CSMD1: variants seen among roughly 807,000 people sequenced by gnomAD.
The protein encoded by CSMD1 is CUB and sushi domain-containing protein 1.
CSMD1 carries 213 observed loss-of-function variants against 417.5 expected under a neutral mutation model. The observed-to-expected ratio is 0.51, with a 90% CI of 0.46 to 0.57. The LOEUF is 0.57. Among genes scored for constraint, CSMD1 ranks in the 20% least tolerant of loss-of-function variants. The pLI is 0.00. For synonymous variants in CSMD1, 2,862 were observed against 1,736.8 expected (o/e 1.65, Z -16.11); for missense variants, 6,923 against 4,529.7 (o/e 1.53, Z -15.17).
chr8:4,374,450 C>G (rs1362651653), intron 3 of CSMD1, among the ~76,000 whole-genome samples: 1 of 152,068 alleles, frequency 6.6e-6, no homozygotes, highest in Non-Finnish European at 1.5e-5. Context: ...GGAACTTTAT[C>G]TGTCCTACGG....
Position 4,417,902 on chromosome 8 carries a change from G to A in CSMD1, c.415+2051C>T, listed in dbSNP as rs562104451. ...AAAGTAATAGTTGTCTAAAGTTTAT[G>A]TGTAAAGTATTTGGTACTTGCAATA... On this transcript the variant is annotated intron_variant, in intron 3 of 69. Coordinates refer to ENST00000635120, the MANE Select transcript of CSMD1 (RefSeq NM_033225.6). Among the ~76,000 whole-genome samples, 8 of 152,062 alleles carry A rather than the reference G, an allele frequency of 5.3e-5. No homozygotes were observed. The East Asian group carries it at 9.7e-4, about 18-fold the overall frequency.
At chr8:4,055,269 A>C (rs1215001006) in intron 3 of CSMD1, among the ~76,000 whole-genome samples, 2 of 152,162 alleles carry the variant, frequency 1.3e-5, no homozygotes, top group African/African-American at 4.8e-5. Flanking sequence ...CAGGTTAAAC[A>C]ATTTTTGTAT....
chr8:4,956,619 T>C (rs553212961), intron 1 of CSMD1, among the ~76,000 whole-genome samples: 1 of 151,620 alleles, frequency 6.6e-6, no homozygotes, highest in Non-Finnish European at 1.5e-5. Context: ...TTTATAAATA[T>C]ATGTAAATGC....
chr8:3,116,136 C>G (rs115068547), intron 42 of CSMD1, among the ~76,000 whole-genome samples: 2 of 151,908 alleles, frequency 1.3e-5, no homozygotes, highest in African/African-American at 2.4e-5. Flanking sequence ...AGTAAAGCAC[C>G]TTTTGCGTTA....
At chr8:3,508,242 G>C (rs896609383) in intron 10 of CSMD1, among the ~76,000 whole-genome samples, 5 of 151,968 alleles carry the variant, frequency 3.3e-5, no homozygotes, top group African/African-American at 1.2e-4. Context: ...CACTTAAGTG[G>C]TGTCTGTGAC....
At chr8:3,835,455 A>G (rs1224063880) in intron 5 of CSMD1, among the ~76,000 whole-genome samples, 1 of 152,024 alleles carries the variant, frequency 6.6e-6, no homozygotes, top group Non-Finnish European at 1.5e-5. Flanking sequence ...ATTCTCAGCA[A>G]ACTACCGCCA....
chr8:4,033,438 C>T (rs1797461119), intron 3 of CSMD1, among the ~76,000 whole-genome samples: 1 of 152,136 alleles, frequency 6.6e-6, no homozygotes, highest in East Asian at 1.9e-4. Context: ...CGAGACTCCG[C>T]CTCAAAAAAA....
At chr8:4,856,428 A>G (rs1801803181) in intron 1 of CSMD1, among the ~76,000 whole-genome samples, 1 of 142,442 alleles carries the variant, frequency 7.0e-6, no homozygotes, top group African/African-American at 2.8e-5. Flanking sequence ...TTAACTTTAA[A>G]TGTCAATGGA....
chr8:4,894,233 TGAA>T (rs1324016165), intron 1 of CSMD1, among the ~76,000 whole-genome samples: 5 of 152,132 alleles, frequency 3.3e-5, no homozygotes, highest in Admixed American at 2.6e-4. Context: ...TTTCAGAATT[TGAA>T]GAATAAGCTT....
intron 16 of CSMD1, among the ~76,000 whole-genome samples, chr8:3,397,626 T>C (rs1811783816): frequency 6.6e-6 from 1 of 152,222 alleles, no homozygotes; most frequent in Non-Finnish European, 1.5e-5. Flanking sequence ...TAAAACTGAT[T>C]TCTCAGTTGT....
chr8:3,921,898 C>A (rs1253513546), intron 5 of CSMD1, among the ~76,000 whole-genome samples: 1 of 152,076 alleles, frequency 6.6e-6, no homozygotes, highest in Non-Finnish European at 1.5e-5. Flanking sequence ...CTGTTAGGTC[C>A]ATCTGGTCCA....
At chr8:3,709,074 G>C (rs747902240) in intron 6 of CSMD1, among the ~76,000 whole-genome samples, 2 of 151,792 alleles carry the variant, frequency 1.3e-5, no homozygotes, top group African/African-American at 2.4e-5. Context: ...AGAGGTCCTG[G>C]CTTCTAGCAT....
intron 1 of CSMD1, among the ~76,000 whole-genome samples, chr8:4,828,191 C>G (rs1407592918): frequency 6.6e-6 from 1 of 152,076 alleles, no homozygotes; most frequent in African/African-American, 2.4e-5. Context: ...TAAGTGTTTT[C>G]AAAGCAGCAC....
chr8:3,999,022 A>G (rs1585106586), intron 4 of CSMD1, among the ~76,000 whole-genome samples: 1 of 149,390 alleles, frequency 6.7e-6, no homozygotes, highest in Middle Eastern at 3.6e-3. Context: ...TATAAACTAT[A>G]TGATACTTTA....
At chr8:4,389,263 G>T (rs554284206) in intron 3 of CSMD1, among the ~76,000 whole-genome samples, 1 of 152,210 alleles carries the variant, frequency 6.6e-6, no homozygotes, top group African/African-American at 2.4e-5. Flanking sequence ...AAGCATAAAT[G>T]AAGAATACAG....
chr8:4,068,888 A>G (rs1283217020), intron 3 of CSMD1, among the ~76,000 whole-genome samples: 2 of 152,210 alleles, frequency 1.3e-5, no homozygotes, highest in Admixed American at 1.3e-4. Flanking sequence ...TATGTATGTA[A>G]AAATATGGTT....
At chr8:3,279,183 C>G (rs7822374) in intron 26 of CSMD1, 31,206 of 152,132 alleles carry the variant, frequency 0.21, 5,915 homozygotes, top group African/African-American at 0.49. Flanking sequence ...AAACACATGA[C>G]ATGAATTACT....
At chr8:4,049,990 C>T (rs982954452) in intron 3 of CSMD1, among the ~76,000 whole-genome samples, 21 of 152,266 alleles carry the variant, frequency 1.4e-4, no homozygotes, top group African/African-American at 4.3e-4. Context: ...TCTCGGACCT[C>T]CCTTGTTTTA....
At chr8:3,505,896 T>C (rs1173132150) in intron 10 of CSMD1, among the ~76,000 whole-genome samples, 1 of 152,212 alleles carries the variant, frequency 6.6e-6, no homozygotes, top group African/African-American at 2.4e-5. Context: ...TAAAAAACAG[T>C]TACTTAAGGA....
Sources: allele counts gnomAD v4.1 joint callset (sites outside exome capture counted in the v4.1 genomes callset), GRCh38; gene constraint gnomAD v4.1.1; transcripts MANE v1.5; gene names NCBI Gene and HGNC (gene_info 2026-07-23, HGNC 2026-07-21).